Variants in ZNF813 observed in about 807,000 individuals in gnomAD.
The protein encoded by ZNF813 is zinc finger protein 813.
A neutral mutation model predicts 7.2 loss-of-function variants in ZNF813; 3 were observed. The ratio of observed to expected loss-of-function variants is 0.42; its 90% CI spans 0.19 to 1.08. The LOEUF is 1.08. Among genes scored for constraint, ZNF813 ranks in the 50% least tolerant of loss-of-function variants. The probability of loss-of-function intolerance (pLI) is 0.30; values close to 1 mark genes in which losing one functional copy is unlikely to be tolerated. For synonymous variants in ZNF813, 227 were observed against 256.3 expected (o/e 0.89, Z 1.09); for missense variants, 714 against 753.3 (o/e 0.95, Z 0.61).
At chr19:53,488,521 G>A (rs1456540224) in intron 3 of ZNF813, among the ~76,000 whole-genome samples, 1 of 149,798 alleles carries the variant, frequency 6.7e-6, no homozygotes, top group Non-Finnish European at 1.5e-5. Flanking sequence ...TGATTTTCCT[G>A]CCTCAGTCCC....
At chr19:53,477,872 A>G (rs2086389275) in intron 1 of ZNF813, among the ~76,000 whole-genome samples, 1 of 152,146 alleles carries the variant, frequency 6.6e-6, no homozygotes, top group Non-Finnish European at 1.5e-5. Flanking sequence ...GGGTGAGTTC[A>G]CTGGGTATGA....
At chr19:53,485,607 T>C (rs1011104261) in intron 2 of ZNF813, among the ~76,000 whole-genome samples, 2 of 74,248 alleles carry the variant, frequency 2.7e-5, no homozygotes, top group Non-Finnish European at 6.2e-5. Context: ...ATGATATATA[T>C]CGTGATATAT....
intron 1 of ZNF813, among the ~76,000 whole-genome samples, chr19:53,481,393 C>G (rs1432964119): frequency 7.9e-6 from 1 of 127,246 alleles, no homozygotes; most frequent in African/African-American, 3.2e-5. Flanking sequence ...GTTGCTCAGG[C>G]TAGAGTGCAA....
At position 53,493,432 on chromosome 19, in the gene ZNF813, T is replaced by G. The variant is rs2086472931; in HGVS notation, c.*1346T>G. 1 of 111,678 alleles carries G rather than the reference T, an allele frequency of 9.0e-6. No individual in the cohort carries two copies. Among genetic ancestry groups the G allele is most frequent in the South Asian group, 3.0e-4 (1 of 3,356 alleles). 6.9% of individuals were successfully genotyped at this position (111,678 alleles called of 1,614,324 possible). A position where few individuals can be genotyped will look rare whatever the true frequency, so the allele number is the denominator to read the frequency against. On this transcript the variant is annotated 3_prime_UTR_variant, in exon 4 of 4. Transcript: ENST00000396403. ...CAAACTTCTCACCTTTTTACTTTTA[T>G]TTCTATTTCTTTAAGTTCTCTAGCA...
At chr19:53,474,140 G>A (rs1395125291) in intron 1 of ZNF813, among the ~76,000 whole-genome samples, 2 of 152,162 alleles carry the variant, frequency 1.3e-5, no homozygotes. Flanking sequence ...CACTTCTCAT[G>A]CTTTTTCTGT....
intron 1 of ZNF813, among the ~76,000 whole-genome samples, chr19:53,481,377 A>C (rs1600111385): frequency 5.1e-5 from 5 of 97,658 alleles, no homozygotes; most frequent in Admixed American, 1.3e-4. Flanking sequence ...ATGGAGTTTC[A>C]CTCTTGTTGC....
rs201526537 is a variant in ZNF813 at position 53,491,567 on chromosome 19, CAA to C, written c.1336_1337del (p.Lys446AspfsTer12). ...AACCCTACAAGTGTACTGAGTGTGT[CAA>C]GACGTTCAGTCGAAATTCAGCCCTT... is the stretch of plus-strand genomic sequence containing the variant. Reference protein sequence around the residue: ...EKPYKCTECVKTFSRNSALVI... With the variant: ...EKPYKCTECVXTFSRNSALVI... On this transcript the variant is annotated frameshift_variant, in exon 4 of 4. Coordinates refer to ENST00000396403, the MANE Select transcript of ZNF813 (RefSeq NM_001004301.4). LOFTEE classifies it low-confidence loss of function (END_TRUNC). 14,428 of 1,613,096 alleles carry C rather than the reference CAA, an allele frequency of 8.9e-3. 97 individuals are homozygous for C. Among genetic ancestry groups the C allele is most frequent in the Non-Finnish European group, 0.011 (13,086 of 1,179,634 alleles).
At chr19:53,488,219 C>G (rs1438891236) in intron 3 of ZNF813, 2 of 455,266 alleles carry the variant, frequency 4.4e-6, no homozygotes, top group Non-Finnish European at 8.8e-6. Context: ...CACAGGGTTT[C>G]TCCTTTTTTG....
At position 53,495,918 on chromosome 19, in the gene ZNF813, T is replaced by C. The variant is rs968606225; in HGVS notation, c.*3832T>C. 6.4e-6 allele frequency: 2 copies of C among 310,992 alleles called. No individual in the cohort carries two copies. Among genetic ancestry groups the C allele is most frequent in the African/African-American group, 2.2e-5 (1 of 46,152 alleles). The allele number at this position is 310,992 out of a possible 1,614,324, so 19.3% of individuals were successfully genotyped here. ...AGGACTTTCAGATTTAAGCAATACC[T>C]GGCCAAGAAACAAAAGCAAAATCAT... On this transcript the variant is annotated 3_prime_UTR_variant, in exon 4 of 4. Coordinates refer to ENST00000396403, the MANE Select transcript of ZNF813 (RefSeq NM_001004301.4).
In ZNF813 at chr19:53,491,856, C is replaced by G. The variant is rs767579381; in HGVS notation, c.1624C>G (p.His542Asp). 6.2e-7 allele frequency: 1 copy of G among 1,612,942 alleles called. No homozygotes were observed. The highest frequency in any genetic ancestry group is 8.5e-7 in the Non-Finnish European group (1 of 1,179,446). The change falls in exon 4 of 4, where the codon CAT becomes GAT. Residue 542 changes from histidine (H) to aspartate (D), a missense_variant. His to Asp is a moderately conservative substitution (Grantham distance 81, BLOSUM62 -1). Transcript: ENST00000396403. ...TCGAAAAACACACCTTGCACATCAT[C>G]ATAGACTTCATACTGGAGATAAACC... ...FNRKTHLAHH[H>D]RLHTGDKPYK... is the part of the protein sequence containing the mutation.
chr19:53,491,004 C>A lies in ZNF813; in HGVS notation c.772C>A (p.Leu258Ile). Residue 258 changes from leucine (L) to isoleucine (I), a missense_variant, in exon 4 of 4, where the codon CTA becomes ATA. By Grantham distance (5) the Leu-to-Ile change is conservative. Coordinates refer to ENST00000396403, the MANE Select transcript of ZNF813 (RefSeq NM_001004301.4). The part of the protein sequence containing the change: ...CGKVFNRKRN[L>I]VCHRRCHTGE... ...CAAGGTCTTTAATCGGAAGCGAAAC[C>A]TAGTGTGCCATCGTAGATGTCACAC... The A allele has an allele frequency of 6.2e-7, 1 of 1,614,160 alleles. No individual in the cohort carries two copies. Among genetic ancestry groups the A allele is most frequent in the Non-Finnish European group, 8.5e-7 (1 of 1,180,024 alleles).
In ZNF813 at chr19:53,493,542, T is replaced by C. The variant is rs560971924; in HGVS notation, c.*1456T>C. The C allele has an allele frequency of 2.6e-5, 4 of 151,662 alleles. No homozygotes were observed. The highest frequency in any genetic ancestry group is 9.8e-5 in the African/African-American group (4 of 40,700). 9.4% of individuals were successfully genotyped at this position (151,662 alleles called of 1,614,324 possible). A position where few individuals can be genotyped will look rare whatever the true frequency, so the allele number is the denominator to read the frequency against. On this transcript the variant is annotated 3_prime_UTR_variant, in exon 4 of 4. Transcript: ENST00000396403. ...TTTGCTTTTATTCCTAAGTATTTCT[T>C]ACTTTAAGTTCTCTAGCAAATGGAA...
intron 1 of ZNF813, among the ~76,000 whole-genome samples, chr19:53,472,607 C>CTTTTTTTTTTTTTTTTTTT (rs200658542): frequency 2.2e-5 from 3 of 136,462 alleles, no homozygotes; most frequent in Non-Finnish European, 3.1e-5. Flanking sequence ...AAGTACAAGT[C>CTTTTTTTTTTTTTTTTTTT]TTTCTTTTTT....
intron 1 of ZNF813, among the ~76,000 whole-genome samples, chr19:53,468,227 C>G (rs185043088): frequency 8.0e-6 from 1 of 125,568 alleles, no homozygotes; most frequent in Non-Finnish European, 1.8e-5. Flanking sequence ...GCGCCCCCCC[C>G]CCCCCACCTC....
At chr19:53,488,931 TACTA>T (rs1449174748) in intron 3 of ZNF813, among the ~76,000 whole-genome samples, 2 of 152,230 alleles carry the variant, frequency 1.3e-5, no homozygotes, top group African/African-American at 2.4e-5. Flanking sequence ...TACAATATTT[TACTA>T]ACTAATTTTT....
intron 1 of ZNF813, chr19:53,479,422 G>C: frequency 6.4e-7 from 1 of 1,572,596 alleles, no homozygotes; most frequent in Non-Finnish European, 8.6e-7. Context: ...AGATGATGAG[G>C]AGTGAGCTGA....
chr19:53,471,890 C>T (rs969389204), intron 1 of ZNF813, among the ~76,000 whole-genome samples: 2 of 151,182 alleles, frequency 1.3e-5, no homozygotes, highest in African/African-American at 4.9e-5. Flanking sequence ...GACATTAACT[C>T]TTTTGCTTCT....
chr19:53,479,789 C>G, intron 1 of ZNF813: 1 of 1,236,470 alleles, frequency 8.1e-7, no homozygotes, highest in Non-Finnish European at 1.2e-6. Context: ...ATGAGCTGAG[C>G]TGGCAGAGTC....
chr19:53,469,961 G>A lies in ZNF813; in HGVS notation c.-74+2172G>A, dbSNP rs188181182. ...TCAGTGGATTTACATCTAAAAAGCT[G>A]AGCATTTCAACAAAGAGTGGGGTTT... On this transcript the variant is annotated intron_variant, in intron 1 of 3. Coordinates refer to ENST00000396403, the MANE Select transcript of ZNF813 (RefSeq NM_001004301.4). Among the ~76,000 whole-genome samples, 108 of 136,610 alleles carry A rather than the reference G, an allele frequency of 7.9e-4. 1 individual carries two copies. The highest frequency in any genetic ancestry group is 2.7e-3 in the African/African-American group (107 of 40,148). The allele number at this position is 136,610 out of a possible 152,430, so 89.6% of individuals were successfully genotyped here.
Sources: gnomAD v4.1 joint callset for allele counts (sites outside exome capture counted in the v4.1 genomes callset) on GRCh38, gnomAD v4.1.1 for gene constraint, MANE v1.5 for transcripts, NCBI Gene and HGNC (gene_info 2026-07-23, HGNC 2026-07-21) for gene names.